AAK1: variants seen among roughly 807,000 people sequenced by gnomAD.
AAK1 encodes AP2-associated protein kinase 1.
Under a neutral mutation model 116.0 loss-of-function variants are expected in AAK1, and 37 were observed. The observed-to-expected ratio is 0.32, with a 90% CI of 0.25 to 0.42. The LOEUF is 0.42. Among genes scored for constraint, AAK1 ranks in the 10% least tolerant of loss-of-function variants. The pLI is 1.00. For synonymous variants in AAK1, 458 were observed against 439.9 expected (o/e 1.04, Z -0.51); for missense variants, 919 against 1,170.6 (o/e 0.79, Z 3.14).
At chr2:69,544,604 C>T (rs553465066) in intron 3 of AAK1, 60 bp from the exon 4 acceptor site, 1 of 1,184,672 alleles carries the variant, frequency 8.4e-7, no homozygotes, top group Non-Finnish European at 1.2e-6. Context: ...ACAGAATTAG[C>T]CAGTCAGTTC....
In AAK1 at chr2:69,460,958, A is replaced by G. The variant is rs776782831; in HGVS notation, c.*14911T>C. 1.1e-4 allele frequency: 17 copies of G among 152,230 alleles called. No homozygotes were observed. The highest frequency in any genetic ancestry group is 2.1e-4 in the Non-Finnish European group (14 of 68,034). 9.4% of individuals were successfully genotyped at this position (152,230 alleles called of 1,614,324 possible). On this transcript the variant is annotated 3_prime_UTR_variant, in exon 22 of 22. Coordinates refer to ENST00000409085, the MANE Select transcript of AAK1 (RefSeq NM_014911.5). ...GCTTTCCACTGAAATGAAAGGTCAC[A>G]ACTTCTATGTTCCCTATCAAATGTG...
At chr2:69,482,485 G>A in intron 18 of AAK1, 1 of 636,872 alleles carries the variant, frequency 1.6e-6, no homozygotes, top group Admixed American at 2.7e-5. Flanking sequence ...ATTCATAAGA[G>A]ATCCACTCTA....
intron 11 of AAK1, 116 bp from the exon 12 acceptor site, chr2:69,519,356 C>G (rs866583553): frequency 2.0e-5 from 27 of 1,354,906 alleles, no homozygotes; most frequent in Non-Finnish European, 2.6e-5. Flanking sequence ...TCTCAAGATT[C>G]GTGTCCTCCT....
chr2:69,505,135 C>CCA (rs10585161), intron 16 of AAK1, among the ~76,000 whole-genome samples: 264 of 139,726 alleles, frequency 1.9e-3, no homozygotes, highest in South Asian at 9.2e-3. Flanking sequence ...GCACACACAC[C>CCA]CACACACACA....
At chr2:69,556,759 A>G in intron 3 of AAK1, 101 bp downstream of exon 3, 1 of 837,738 alleles carries the variant, frequency 1.2e-6, no homozygotes, top group Non-Finnish European at 2.0e-6. Context: ...AGGCCTCTGT[A>G]CCATCTCAGG....
At chr2:69,584,261 G>T (rs945257229) in intron 2 of AAK1, among the ~76,000 whole-genome samples, 3 of 152,172 alleles carry the variant, frequency 2.0e-5, no homozygotes, top group African/African-American at 7.2e-5. Context: ...CTAAGCAGAT[G>T]GCAGGCCTCA....
In AAK1 at chr2:69,571,008, AC is replaced by A. The variant is rs528802163; in HGVS notation, c.164-14031del. 2.9e-3 allele frequency among the ~76,000 whole-genome samples: 443 copies of A among 151,822 alleles called. 4 individuals carry two copies. The highest frequency in any genetic ancestry group is 9.7e-3 in the African/African-American group (402 of 41,302). On this transcript the variant is annotated intron_variant, in intron 2 of 21. Coordinates refer to ENST00000409085, the MANE Select transcript of AAK1 (RefSeq NM_014911.5). ...TGAACTTTCACCCAACAGAATGCCC[AC>A]CCCCATGCCCACCTTGATTTTTTTA...
At chr2:69,502,419 CA>C (rs1676013402) in intron 16 of AAK1, among the ~76,000 whole-genome samples, 1 of 151,794 alleles carries the variant, frequency 6.6e-6, no homozygotes, top group Non-Finnish European at 1.5e-5. Context: ...GTCAGGAGTT[CA>C]AGACCAGCCT....
chr2:69,505,430 C>A, intron 16 of AAK1, 139 bp downstream of exon 16: 2 of 420,918 alleles, frequency 4.8e-6, no homozygotes, highest in South Asian at 7.4e-5. Context: ...TTAAATAGAC[C>A]ATGAAAAACA....
chr2:69,553,006 A>C (rs1267540411), intron 3 of AAK1, among the ~76,000 whole-genome samples: 1 of 152,158 alleles, frequency 6.6e-6, no homozygotes, highest in Non-Finnish European at 1.5e-5. Context: ...GAAATATAAA[A>C]AGAAGGGAGA....
At chr2:69,533,448 T>C (rs1348964706) in intron 5 of AAK1, among the ~76,000 whole-genome samples, 1 of 152,226 alleles carries the variant, frequency 6.6e-6, no homozygotes, top group African/African-American at 2.4e-5. Flanking sequence ...CTAATTTCTA[T>C]ACTTGTTTCT....
intron 2 of AAK1, among the ~76,000 whole-genome samples, chr2:69,573,199 AAC>A (rs1672159222): frequency 6.6e-6 from 1 of 152,190 alleles, no homozygotes; most frequent in African/African-American, 2.4e-5. Context: ...TGGGGGCCTC[AAC>A]AAAGGGTTGA....
chr2:69,523,321 G>C (rs545037649), intron 10 of AAK1, among the ~76,000 whole-genome samples: 1 of 152,274 alleles, frequency 6.6e-6, no homozygotes, highest in South Asian at 2.1e-4. Context: ...ATTAGTGAAG[G>C]AAATGGACAG....
Position 69,471,821 on chromosome 2 carries a change from C to T in AAK1, c.*4048G>A, listed in dbSNP as rs1292063708. On this transcript the variant is annotated 3_prime_UTR_variant, in exon 22 of 22. Coordinates refer to ENST00000409085, the MANE Select transcript of AAK1 (RefSeq NM_014911.5). ...CTGCTGAAGGCAGAACTGTTCCTAA[C>T]CTGGGGAAGGTTATATTGGTTGATC... 3.0e-6 allele frequency: 3 copies of T among 985,316 alleles called. No homozygotes were observed. Among genetic ancestry groups the T allele is most frequent in the South Asian group, 9.4e-5 (2 of 21,296 alleles). 61.0% of individuals were successfully genotyped at this position (985,316 alleles called of 1,614,324 possible).
chr2:69,589,974 A>T (rs77187131), intron 2 of AAK1, among the ~76,000 whole-genome samples: 3,221 of 150,432 alleles, frequency 0.021, 98 homozygotes, highest in African/African-American at 0.071. Context: ...GGTTCTGATT[A>T]AAAAAAAAAT....
chr2:69,605,923 G>A (rs1673778237), intron 2 of AAK1, among the ~76,000 whole-genome samples: 1 of 152,034 alleles, frequency 6.6e-6, no homozygotes, highest in Non-Finnish European at 1.5e-5. Flanking sequence ...CTCATCTGTG[G>A]CATTCAAGGC....
At chr2:69,490,191 T>C (rs1417825588) in intron 17 of AAK1, among the ~76,000 whole-genome samples, 1 of 152,210 alleles carries the variant, frequency 6.6e-6, no homozygotes, top group Non-Finnish European at 1.5e-5. Flanking sequence ...GATCGTTTCC[T>C]CAAATCCTTG....
intron 2 of AAK1, among the ~76,000 whole-genome samples, chr2:69,560,195 T>C (rs1429921148): frequency 6.6e-6 from 1 of 152,204 alleles, no homozygotes; most frequent in Non-Finnish European, 1.5e-5. Context: ...TCACTATCAC[T>C]GTGTAGTTGG....
intron 13 of AAK1, among the ~76,000 whole-genome samples, chr2:69,514,212 C>T (rs1412471766): frequency 6.6e-6 from 1 of 152,148 alleles, no homozygotes; most frequent in East Asian, 1.9e-4. Flanking sequence ...GATCTTCCTG[C>T]TAGCCTAGTT....
Sources: gnomAD v4.1 joint callset for allele counts (sites outside exome capture counted in the v4.1 genomes callset) on GRCh38, gnomAD v4.1.1 for gene constraint, MANE v1.5 for transcripts, NCBI Gene and HGNC (gene_info 2026-07-23, HGNC 2026-07-21) for gene names.